The following ARHGAP15 variants were observed in gnomAD, a reference collection of about 807,000 sequenced individuals.
ARHGAP15 encodes Rho GTPase activating protein 15, also known as rho GTPase-activating protein 15.
Under a neutral mutation model 63.7 loss-of-function variants are expected in ARHGAP15, and 51 were observed. The observed-to-expected ratio is 0.80, with a 90% CI of 0.64 to 1.01. The LOEUF (loss-of-function observed/expected upper bound fraction) is 1.01. Among genes scored for constraint, ARHGAP15 ranks in the 50% least tolerant of loss-of-function variants. The pLI, the probability that ARHGAP15 is intolerant of heterozygous loss-of-function variation, is 0.00. For synonymous variants in ARHGAP15, 191 were observed against 193.8 expected, an observed-to-expected ratio of 0.99 and a Z score of 0.12; for missense variants, 560 against 564.6, an observed-to-expected ratio of 0.99 and a Z score of 0.08.
At chr2:143,559,914 CCTT>C (rs1308463628) in intron 11 of ARHGAP15, among the ~76,000 whole-genome samples, 1 of 152,168 alleles carries the variant, frequency 6.6e-6, no homozygotes, top group Non-Finnish European at 1.5e-5. Context: ...ATATTTTATT[CCTT>C]CTTTATTCAC....
rs139163904 is a variant in ARHGAP15, at chr2:143,171,589, A to C, written c.165+15934A>C. Reference sequence around the variant, plus strand: ...CTTACATCGACAACCAGGCTGGGAAAGTTGGAGATGATTCCACCTGTGTCT... The same window carrying C: ...CTTACATCGACAACCAGGCTGGGAACGTTGGAGATGATTCCACCTGTGTCT... On this transcript the variant is annotated intron_variant, in intron 2 of 13. Coordinates refer to ENST00000295095, the MANE Select transcript of ARHGAP15 (RefSeq NM_018460.4). 3.9e-5 allele frequency among the ~76,000 whole-genome samples: 6 copies of C among 152,268 alleles called. No individual in the cohort carries two copies. The East Asian group carries it at 1.2e-3, about 29-fold the overall frequency.
chr2:143,527,515 T>G (rs774993831), intron 10 of ARHGAP15, among the ~76,000 whole-genome samples: 3 of 151,922 alleles, frequency 2.0e-5, no homozygotes, highest in Non-Finnish European at 4.4e-5. Flanking sequence ...GCTGGACACT[T>G]TGAGAAAAAA....
intron 8 of ARHGAP15, among the ~76,000 whole-genome samples, chr2:143,455,244 A>G (rs1434081277): frequency 6.6e-6 from 1 of 152,008 alleles, no homozygotes; most frequent in East Asian, 1.9e-4. Flanking sequence ...AATTCCCGGA[A>G]CTTTTTAGAA....
At chr2:143,556,119 T>A (rs976829846) in intron 10 of ARHGAP15, among the ~76,000 whole-genome samples, 2 of 152,086 alleles carry the variant, frequency 1.3e-5, no homozygotes, top group Non-Finnish European at 2.9e-5. Flanking sequence ...CCCAGTTGGA[T>A]TCCTATATTT....
chr2:143,144,831 C>T (rs1010721700), intron 1 of ARHGAP15, among the ~76,000 whole-genome samples: 7 of 151,986 alleles, frequency 4.6e-5, no homozygotes, highest in African/African-American at 1.4e-4. Flanking sequence ...AAGATAGCAG[C>T]AATGGGCTGT....
chr2:143,176,750 T>C (rs1024856883), intron 2 of ARHGAP15, among the ~76,000 whole-genome samples: 1 of 152,192 alleles, frequency 6.6e-6, no homozygotes, highest in African/African-American at 2.4e-5. Context: ...TTGGGCAGGA[T>C]TCACAAGGCA....
At chr2:143,345,761 T>C (rs1276302652) in intron 6 of ARHGAP15, among the ~76,000 whole-genome samples, 1 of 152,158 alleles carries the variant, frequency 6.6e-6, no homozygotes, top group Non-Finnish European at 1.5e-5. Flanking sequence ...GCAAGGTGTA[T>C]ACTAAGAGAA....
intron 2 of ARHGAP15, among the ~76,000 whole-genome samples, chr2:143,188,096 C>G (rs925525021): frequency 6.6e-6 from 1 of 151,958 alleles, no homozygotes; most frequent in African/African-American, 2.4e-5. Flanking sequence ...TTAAATATTA[C>G]GCATATACTG....
At chr2:143,280,740 G>C (rs1317183554) in intron 6 of ARHGAP15, among the ~76,000 whole-genome samples, 1 of 152,074 alleles carries the variant, frequency 6.6e-6, no homozygotes, top group East Asian at 1.9e-4. Flanking sequence ...AAGTTTTAAG[G>C]CTTTGATGAA....
At chr2:143,292,020 G>A (rs1682425168) in intron 6 of ARHGAP15, among the ~76,000 whole-genome samples, 1 of 152,074 alleles carries the variant, frequency 6.6e-6, no homozygotes, top group Non-Finnish European at 1.5e-5. Flanking sequence ...CCTCTAACGC[G>A]ATGGCTATTT....
At chr2:143,193,608 T>C (rs1691760796) in intron 2 of ARHGAP15, 1 of 152,588 alleles carries the variant, frequency 6.6e-6, no homozygotes, top group Non-Finnish European at 1.5e-5. Flanking sequence ...ATGCTTATTT[T>C]AAATCTTTGA....
At chr2:143,737,384 C>G (rs1309329229) in intron 13 of ARHGAP15, among the ~76,000 whole-genome samples, 1 of 152,170 alleles carries the variant, frequency 6.6e-6, no homozygotes, top group Non-Finnish European at 1.5e-5. Context: ...TGTAAACATG[C>G]CTTATAGAAT....
At chr2:143,414,737 C>T (rs1304010028) in intron 6 of ARHGAP15, among the ~76,000 whole-genome samples, 5 of 152,114 alleles carry the variant, frequency 3.3e-5, no homozygotes, top group Non-Finnish European at 7.4e-5. Flanking sequence ...AGTTTGAGAC[C>T]AGCTTGGCTA....
chr2:143,342,150 T>C (rs1401107646), intron 6 of ARHGAP15, among the ~76,000 whole-genome samples: 1 of 152,056 alleles, frequency 6.6e-6, no homozygotes, highest in Non-Finnish European at 1.5e-5. Flanking sequence ...AACGACATGA[T>C]AGAAAATTAT....
intron 1 of ARHGAP15, among the ~76,000 whole-genome samples, chr2:143,133,790 A>G (rs1689001880): frequency 6.6e-6 from 1 of 152,058 alleles, no homozygotes; most frequent in Admixed American, 6.6e-5. Context: ...ATCCAACGTA[A>G]CCACTTTTCA....
At chr2:143,538,683 T>A (rs574282479) in intron 10 of ARHGAP15, among the ~76,000 whole-genome samples, 1 of 152,206 alleles carries the variant, frequency 6.6e-6, no homozygotes, top group Non-Finnish European at 1.5e-5. Flanking sequence ...GGATTACGTT[T>A]ATTGATTTTC....
intron 1 of ARHGAP15, among the ~76,000 whole-genome samples, chr2:143,131,997 TA>T (rs548327603): frequency 0.013 from 1,903 of 143,426 alleles, 16 homozygotes; most frequent in African/African-American, 0.031. Context: ...TTGCAGCAGG[TA>T]AAAAAAAAAA....
intron 6 of ARHGAP15, among the ~76,000 whole-genome samples, chr2:143,425,015 T>G (rs557583499): frequency 4.4e-4 from 67 of 152,248 alleles, no homozygotes; most frequent in African/African-American, 1.6e-3. Flanking sequence ...TTATTAACAG[T>G]GCCTTTTGCC....
chr2:143,249,750 T>C lies in ARHGAP15; in HGVS notation c.385-761T>C, dbSNP rs551532946. Reference sequence around the variant, plus strand: ...AGACAAATGTGGGTGATATTCCTATTGATTATTGTGAATTATTGAAATAAA... The same window carrying C: ...AGACAAATGTGGGTGATATTCCTATCGATTATTGTGAATTATTGAAATAAA... On this transcript the variant is annotated intron_variant, in intron 5 of 13. Transcript: ENST00000295095. Among the ~76,000 whole-genome samples, 3 of 152,238 alleles carry C rather than the reference T, an allele frequency of 2.0e-5. No individual in the cohort carries two copies. In the South Asian group the frequency reaches 6.2e-4, roughly 32 times the overall value.
Sources: gnomAD v4.1 joint callset for allele counts (sites outside exome capture counted in the v4.1 genomes callset) on GRCh38, gnomAD v4.1.1 for gene constraint, MANE v1.5 for transcripts, NCBI Gene and HGNC (gene_info 2026-07-23, HGNC 2026-07-21) for gene names.